The following CHSY3 variants were observed in gnomAD, a reference collection of about 807,000 sequenced individuals.
CHSY3 encodes the protein chondroitin sulfate synthase 3.
A neutral mutation model predicts 67.2 loss-of-function variants in CHSY3; 35 were observed. The ratio of observed to expected loss-of-function variants is 0.52; its 90% confidence interval spans 0.40 to 0.69. The LOEUF (loss-of-function observed/expected upper bound fraction) is 0.69. Ranked by LOEUF, CHSY3 falls within the 30% of genes least tolerant of loss-of-function variation. The probability of loss-of-function intolerance (pLI) is 0.00; values close to 1 mark genes in which losing one functional copy is unlikely to be tolerated. For synonymous variants in CHSY3, 474 were observed against 434.7 expected, an observed-to-expected ratio of 1.09 and a Z score of -1.12; for missense variants, 1,069 against 1,138.5, an observed-to-expected ratio of 0.94 and a Z score of 0.88.
At chr5:130,034,778 G>A (rs1248274310) in intron 2 of CHSY3, among the ~76,000 whole-genome samples, 1 of 152,124 alleles carries the variant, frequency 6.6e-6, no homozygotes, top group Non-Finnish European at 1.5e-5. Flanking sequence ...AAATCAGGAA[G>A]TTGTCACTGA....
intron 2 of CHSY3, among the ~76,000 whole-genome samples, chr5:130,156,307 GT>G (rs1378072714): frequency 1.3e-5 from 2 of 152,128 alleles, no homozygotes; most frequent in Admixed American, 1.3e-4. Context: ...TGTTTATTTG[GT>G]TTCCCCCATT....
chr5:130,120,774 G>A (rs1170380886), intron 2 of CHSY3, among the ~76,000 whole-genome samples: 2 of 152,190 alleles, frequency 1.3e-5, no homozygotes, highest in Non-Finnish European at 2.9e-5. Context: ...AAAAGAGAGA[G>A]AGAGAAGGAG....
At chr5:130,159,161 CTTTT>C (rs33919002) in intron 2 of CHSY3, among the ~76,000 whole-genome samples, 7 of 98,700 alleles carry the variant, frequency 7.1e-5, no homozygotes, top group South Asian at 3.5e-4. Context: ...TAAGATTTGT[CTTTT>C]TTTTTTTTTT....
intron 2 of CHSY3, among the ~76,000 whole-genome samples, chr5:129,991,140 T>C (rs1763351613): frequency 6.6e-6 from 1 of 152,118 alleles, no homozygotes; most frequent in Non-Finnish European, 1.5e-5. Context: ...GGATGGTGAC[T>C]AAAGAATTTA....
At position 129,905,409 on chromosome 5, in the gene CHSY3, AC is replaced by A; in HGVS notation, c.582del (p.Trp195GlyfsTer47). ...LGSRALAAQRTWARFIPGRVE... is the reference protein window; with the variant it reads ...LGSRALAAQRXWARFIPGRVE... ...CAGCCGCGCGCTGGCCGCGCAGCGGACCTGGGCGCGTTTCATCCCGGGCCGC... is the reference window on the plus strand; with the variant it reads ...CAGCCGCGCGCTGGCCGCGCAGCGGACTGGGCGCGTTTCATCCCGGGCCGC... On this transcript the variant is annotated frameshift_variant, in exon 1 of 3. Coordinates refer to ENST00000305031, the MANE Select transcript of CHSY3 (RefSeq NM_175856.5). LOFTEE classifies it high-confidence loss of function. 1 of 1,608,982 alleles carries A rather than the reference AC, an allele frequency of 6.2e-7. No individual in the cohort carries two copies. The highest frequency in any genetic ancestry group is 8.5e-7 in the Non-Finnish European group (1 of 1,178,918).
chr5:129,987,593 C>G (rs1035886599), intron 2 of CHSY3, among the ~76,000 whole-genome samples: 3 of 152,086 alleles, frequency 2.0e-5, no homozygotes, highest in Non-Finnish European at 4.4e-5. Flanking sequence ...GTGATATGAT[C>G]TCATTCAGAG....
At chr5:130,078,721 T>A (rs1192445768) in intron 2 of CHSY3, among the ~76,000 whole-genome samples, 1 of 152,110 alleles carries the variant, frequency 6.6e-6, no homozygotes, top group East Asian at 1.9e-4. Context: ...CAAAATAAAT[T>A]CCTATTGACT....
In CHSY3 at chr5:129,950,374, C is replaced by G. The variant is rs140227559; in HGVS notation, c.1086+42014C>G. Among the ~76,000 whole-genome samples, 578 of 152,106 alleles carry G rather than the reference C, an allele frequency of 3.8e-3. 8 individuals are homozygous for G. The highest frequency in any genetic ancestry group is 0.013 in the African/African-American group (543 of 41,494). ...GTAAAACCAGGAACAAAGAAACGAT[C>G]CCTACTCTCATCACTTCTATTCACC... On this transcript the variant is annotated intron_variant, in intron 2 of 2. Transcript: ENST00000305031.
chr5:130,185,804 C>A lies in CHSY3; in HGVS notation c.*13C>A, dbSNP rs371632478. 1 of 1,518,030 alleles carries A rather than the reference C, an allele frequency of 6.6e-7. No homozygotes were observed. The highest frequency in any genetic ancestry group is 8.8e-7 in the Non-Finnish European group (1 of 1,132,784). The allele number at this position is 1,518,030 out of a possible 1,614,324, so 94.0% of individuals were successfully genotyped here. A position where few individuals can be genotyped will look rare whatever the true frequency, so the allele number is the denominator to read the frequency against. ...AACTCTCTCCTGACAGTCCAGGCAA[C>A]ACATTTTGCCTTTTTTAAGGGGAGT... On this transcript the variant is annotated 3_prime_UTR_variant, in exon 3 of 3. Transcript: ENST00000305031.
At chr5:129,912,545 G>A (rs973025347) in intron 2 of CHSY3, among the ~76,000 whole-genome samples, 1 of 152,126 alleles carries the variant, frequency 6.6e-6, no homozygotes, top group Non-Finnish European at 1.5e-5. Flanking sequence ...CTTTTTCTCT[G>A]TCTTCTCTGC....
chr5:129,935,831 A>G lies in CHSY3; in HGVS notation c.1086+27471A>G, dbSNP rs114698863. 6.4e-3 allele frequency among the ~76,000 whole-genome samples: 974 copies of G among 152,348 alleles called. 14 individuals are homozygous for G. Among genetic ancestry groups the G allele is most frequent in the African/African-American group, 0.023 (944 of 41,584 alleles). On this transcript the variant is annotated intron_variant, in intron 2 of 2. Transcript: ENST00000305031. ...ATAAATCACCAGCTGTTGTTTAGAC[A>G]GTATCCATCTTCAAAGTTTGTACAG... is the stretch of plus-strand genomic sequence containing the variant.
At chr5:130,144,178 A>T (rs1360515397) in intron 2 of CHSY3, among the ~76,000 whole-genome samples, 1 of 151,972 alleles carries the variant, frequency 6.6e-6, no homozygotes, top group African/African-American at 2.4e-5. Context: ...CAATGACAAA[A>T]CATCTAATGA....
chr5:130,033,083 C>T (rs1474526099), intron 2 of CHSY3, among the ~76,000 whole-genome samples: 1 of 152,150 alleles, frequency 6.6e-6, no homozygotes, highest in Non-Finnish European at 1.5e-5. Context: ...TGCCAACTAA[C>T]CCACACTCCT....
intron 2 of CHSY3, among the ~76,000 whole-genome samples, chr5:129,951,044 A>C (rs1762009683): frequency 6.6e-6 from 1 of 152,184 alleles, no homozygotes; most frequent in Non-Finnish European, 1.5e-5. Context: ...AAAAGCATAC[A>C]CAAAGACCAA....
chr5:130,144,389 TA>T (rs79816975), intron 2 of CHSY3, among the ~76,000 whole-genome samples: 6,929 of 151,104 alleles, frequency 0.046, 432 homozygotes, highest in East Asian at 0.27. Flanking sequence ...CACTGTCAAG[TA>T]AAAAAAAATT....
In CHSY3 at chr5:130,012,294, C is replaced by T. The variant is rs193020460; in HGVS notation, c.1086+103934C>T. On this transcript the variant is annotated intron_variant, in intron 2 of 2. Coordinates refer to ENST00000305031, the MANE Select transcript of CHSY3 (RefSeq NM_175856.5). ...TAAATAACCCACAAATAAAGCTGCA[C>T]ACCTACAAGCATCAGATCTTATACA... 9.9e-5 allele frequency among the ~76,000 whole-genome samples: 15 copies of T among 152,250 alleles called. No individual in the cohort carries two copies. In the South Asian group the frequency reaches 1.0e-3, roughly 11 times the overall value.
rs1213588137 is a variant in CHSY3 at position 130,108,567 on chromosome 5, G to C, written c.1087-75662G>C. 4.0e-5 allele frequency among the ~76,000 whole-genome samples: 6 copies of C among 151,606 alleles called. 1 individual carries two copies. The highest frequency in any genetic ancestry group is 5.9e-5 in the Non-Finnish European group (4 of 67,688). On this transcript the variant is annotated intron_variant, in intron 2 of 2. Coordinates refer to ENST00000305031, the MANE Select transcript of CHSY3 (RefSeq NM_175856.5). ...AACTGACAATCATTTGGATTGTAATGCTTTGTCAAAAAGTTATATTATCAT... is the reference window on the plus strand; with the variant it reads ...AACTGACAATCATTTGGATTGTAATCCTTTGTCAAAAAGTTATATTATCAT...
At chr5:130,084,598 AATTAATTT>A (rs1384613968) in intron 2 of CHSY3, among the ~76,000 whole-genome samples, 3 of 149,540 alleles carry the variant, frequency 2.0e-5, no homozygotes, top group African/African-American at 7.5e-5. Flanking sequence ...TTAATTAATT[AATTAATTT>A]ATTTATTTAA....
intron 2 of CHSY3, among the ~76,000 whole-genome samples, chr5:130,144,931 C>A (rs187408821): frequency 6.6e-5 from 10 of 152,100 alleles, no homozygotes; most frequent in Admixed American, 6.6e-4. Context: ...TCTGGGGAGG[C>A]CTCAGGAAAC....
Sources: allele counts gnomAD v4.1 joint callset (sites outside exome capture counted in the v4.1 genomes callset), GRCh38; gene constraint gnomAD v4.1.1; transcripts MANE v1.5; gene names NCBI Gene and HGNC (gene_info 2026-07-23, HGNC 2026-07-21).